NLRP1: variants seen among roughly 807,000 people sequenced by gnomAD.
The protein encoded by NLRP1 is NACHT, LRR and PYD domains-containing protein 1.
NLRP1 carries 94 observed loss-of-function variants against 136.7 expected under a neutral mutation model. That is an observed-to-expected ratio of 0.69 (90% CI 0.58 to 0.82). The LOEUF is 0.82. Among genes scored for constraint, NLRP1 ranks in the 40% least tolerant of loss-of-function variants. The pLI, the probability that NLRP1 is intolerant of heterozygous loss-of-function variation, is 0.00. For synonymous variants in NLRP1, 690 were observed against 725.1 expected, an observed-to-expected ratio of 0.95 and a Z score of 0.78; for missense variants, 1,575 against 1,802.7, an observed-to-expected ratio of 0.87 and a Z score of 2.29.
At chr17:5,533,551 GTTTTTTTTTT>G (rs35006823) in intron 9 of NLRP1, among the ~76,000 whole-genome samples, 167 bp from the exon 10 acceptor site, 25 of 90,032 alleles carry the variant, frequency 2.8e-4, no homozygotes, top group Non-Finnish European at 4.7e-4. Context: ...GTGAGACTCT[GTTTTTTTTTT>G]TTTTTTTTTT....
At position 5,559,000 on chromosome 17, in the gene NLRP1, G is replaced by GTCC. The variant is rs1340255250; in HGVS notation, c.1693_1695dup (p.Gly565dup). Reference sequence around the variant, plus strand: ...AGAGAGCAGAGGTCTCTGAGCTGGGGTCCCAATGGCTGAGCTTGGAGAGCC... The same window carrying GTCC: ...AGAGAGCAGAGGTCTCTGAGCTGGGGTCCTCCCAATGGCTGAGCTTGGAGAGCC... On this transcript the variant is annotated inframe_insertion, in exon 4 of 17. Transcript: ENST00000572272. 1 of 1,614,142 alleles carries GTCC rather than the reference G, an allele frequency of 6.2e-7. No individual in the cohort carries two copies. Among genetic ancestry groups the GTCC allele is most frequent in the Non-Finnish European group, 8.5e-7 (1 of 1,180,016 alleles).
exon 16 of NLRP1, chr17:5,501,461 G>C (rs2151724930): frequency 5.4e-6 from 1 of 184,216 alleles, no homozygotes; most frequent in Non-Finnish European, 1.2e-5. Context: ...TAGAAAACTA[G>C]AAATTGAGAA....
At chr17:5,561,445 T>C in intron 3 of NLRP1, among the ~76,000 whole-genome samples, 1 of 30,442 alleles carries the variant, frequency 3.3e-5, no homozygotes, top group Non-Finnish European at 7.4e-5. Flanking sequence ...TTTTTTTTTT[T>C]TTTTTTTTTG....
At chr17:5,530,460 C>A in intron 12 of NLRP1, 21 bp downstream of exon 12, 1 of 1,601,238 alleles carries the variant, frequency 6.2e-7, no homozygotes, top group South Asian at 1.1e-5. Flanking sequence ...ACCTTCCTCC[C>A]TATCCTTCCC....
At chr17:5,556,356 A>C (rs1229716106) in intron 4 of NLRP1, among the ~76,000 whole-genome samples, 1 of 151,586 alleles carries the variant, frequency 6.6e-6, no homozygotes, top group East Asian at 1.9e-4. Flanking sequence ...AGCGGGGCTG[A>C]GGTAAGAGGA....
chr17:5,578,756 A>C (rs2151827203), intron 3 of NLRP1, among the ~76,000 whole-genome samples: 1 of 152,338 alleles, frequency 6.6e-6, no homozygotes, highest in South Asian at 2.1e-4. Context: ...CCATCCCATT[A>C]CTGGGTATAT....
chr17:5,530,094 T>TA (rs968527436), intron 12 of NLRP1: 16 of 459,374 alleles, frequency 3.5e-5, no homozygotes, highest in Non-Finnish European at 5.7e-5. Context: ...TTGTTGCTAG[T>TA]CCCTGTTGCC....
At position 5,519,203 on chromosome 17, in the gene NLRP1, T is replaced by C. The variant is rs189108383; in HGVS notation, c.3916-1316A>G. Among the ~76,000 whole-genome samples the C allele has an allele frequency of 4.7e-3, 708 of 151,970 alleles. 6 individuals carry two copies. The highest frequency in any genetic ancestry group is 0.016 in the African/African-American group (658 of 41,472). On this transcript the variant is annotated intron_variant, in intron 14 of 16. Coordinates refer to ENST00000572272, the MANE Select transcript of NLRP1 (RefSeq NM_033004.4). Reference sequence around the variant, plus strand: ...ATTTTTGGTAGAGATGGGGTTTCACTGTGTTAGCCAGGATGGTCTCGATCT... The same window carrying C: ...ATTTTTGGTAGAGATGGGGTTTCACCGTGTTAGCCAGGATGGTCTCGATCT...
chr17:5,533,203 C>A, intron 10 of NLRP1, 101 bp downstream of exon 10: 1 of 1,528,356 alleles, frequency 6.5e-7, no homozygotes, highest in Non-Finnish European at 8.8e-7. Context: ...TCCCCTTCCC[C>A]ACTGGAATAG....
intron 15 of NLRP1, chr17:5,502,164 A>G: frequency 3.1e-6 from 1 of 324,962 alleles, no homozygotes; most frequent in Non-Finnish European, 6.0e-6. Context: ...GATGCAGTGA[A>G]TAACGGCAGC....
chr17:5,549,032 T>TG (rs1360532714), intron 5 of NLRP1, among the ~76,000 whole-genome samples: 27 of 152,166 alleles, frequency 1.8e-4, no homozygotes, highest in Non-Finnish European at 3.8e-4. Context: ...TAGATCAGTT[T>TG]GGGGGGTATT....
chr17:5,523,946 C>T (rs1387252855), intron 12 of NLRP1, among the ~76,000 whole-genome samples: 3 of 152,184 alleles, frequency 2.0e-5, no homozygotes, highest in Non-Finnish European at 2.9e-5. Flanking sequence ...ATTTTTGACA[C>T]GGAGTCTAGC....
Position 5,517,501 on chromosome 17 carries a change from C to A in NLRP1, c.4057+245G>T, listed in dbSNP as rs1012436316. Among the ~76,000 whole-genome samples, 6 of 152,144 alleles carry A rather than the reference C, an allele frequency of 3.9e-5. No individual in the cohort carries two copies. In the East Asian group the frequency reaches 9.7e-4, roughly 24 times the overall value. ...CTCCTGGGTTCAAGCGATTCTTCTG[C>A]CTCAGCCTCCTGAGTAGCTGGGACT... On this transcript the variant is annotated intron_variant, in intron 15 of 16. Coordinates refer to ENST00000572272, the MANE Select transcript of NLRP1 (RefSeq NM_033004.4).
At position 5,558,469 on chromosome 17, in the gene NLRP1, T is replaced by C. The variant is rs758788129; in HGVS notation, c.2227A>G (p.Met743Val). Residue 743 changes from methionine to valine, a missense_variant, in exon 4 of 17, where the codon ATG (methionine) becomes GTG (valine). Met to Val is a conservative substitution (Grantham distance 21, BLOSUM62 1). Transcript: ENST00000572272. ...QVMAHFEEMG[M>V]CVETDMELLV... ...AGCTCCATGTCTGTTTCTACACACA[T>C]GCCCATTTCTTCGAAATGGGCCATC... 1 of 1,614,124 alleles carries C rather than the reference T, an allele frequency of 6.2e-7. No individual in the cohort carries two copies. Among genetic ancestry groups the C allele is most frequent in the South Asian group, 1.1e-5 (1 of 91,078 alleles).
intron 3 of NLRP1, among the ~76,000 whole-genome samples, chr17:5,575,347 A>T (rs1437192716): frequency 6.6e-6 from 1 of 152,248 alleles, no homozygotes; most frequent in Non-Finnish European, 1.5e-5. Flanking sequence ...TAAAGAGTCA[A>T]GACCCATCAG....
chr17:5,582,464 C>T (rs960121149), intron 2 of NLRP1, among the ~76,000 whole-genome samples: 10 of 152,170 alleles, frequency 6.6e-5, no homozygotes, highest in African/African-American at 1.9e-4. Context: ...CCATCTGCCA[C>T]ATGGGGAGGG....
intron 8 of NLRP1, among the ~76,000 whole-genome samples, chr17:5,536,150 C>CT (rs753363124): frequency 1.8e-4 from 27 of 149,492 alleles, no homozygotes; most frequent in Admixed American, 4.0e-4. Context: ...TTTTCTTGTT[C>CT]TTTTTTTTTT....
intron 12 of NLRP1, among the ~76,000 whole-genome samples, chr17:5,522,873 T>C (rs11868655): frequency 0.022 from 3,332 of 152,252 alleles, 119 homozygotes; most frequent in African/African-American, 0.076. Context: ...AGTAGGAACA[T>C]AGAGTGACCA....
chr17:5,536,576 G>C (rs144391483), intron 8 of NLRP1, among the ~76,000 whole-genome samples: 2,873 of 149,940 alleles, frequency 0.019, 141 homozygotes, highest in South Asian at 0.17. Flanking sequence ...TCAGCCTCTT[G>C]AGTAGCTGGG....
Sources: gnomAD v4.1 joint callset for allele counts (sites outside exome capture counted in the v4.1 genomes callset) on GRCh38, gnomAD v4.1.1 for gene constraint, MANE v1.5 for transcripts, NCBI Gene and HGNC (gene_info 2026-07-23, HGNC 2026-07-21) for gene names.